BAIAP2L1: variants seen among roughly 807,000 people sequenced by gnomAD.
BAIAP2L1 encodes the protein BAR/IMD domain containing adaptor protein 2 like 1.
A neutral mutation model predicts 66.3 loss-of-function variants in BAIAP2L1; 35 were observed. That is an observed-to-expected ratio of 0.53 (90% CI 0.40 to 0.70). The LOEUF is 0.70. Among genes scored for constraint, BAIAP2L1 ranks in the 30% least tolerant of loss-of-function variants. The pLI is 0.00. For synonymous variants in BAIAP2L1, 269 were observed against 248.7 expected (o/e 1.08, Z -0.77); for missense variants, 622 against 656.9 (o/e 0.95, Z 0.58).
intron 12 of BAIAP2L1, among the ~76,000 whole-genome samples, chr7:98,296,821 G>A (rs1043673897): frequency 6.6e-6 from 1 of 152,210 alleles, no homozygotes; most frequent in African/African-American, 2.4e-5. Flanking sequence ...CGAGGGCAGG[G>A]GCTTGGCACA....
intron 12 of BAIAP2L1, among the ~76,000 whole-genome samples, chr7:98,301,389 T>A (rs1454527097): frequency 6.6e-6 from 1 of 151,884 alleles, no homozygotes; most frequent in Non-Finnish European, 1.5e-5. Context: ...ATGAGGTATC[T>A]GGGGCTTTTG....
At chr7:98,316,577 AGGGT>A (rs141886639) in intron 6 of BAIAP2L1, among the ~76,000 whole-genome samples, 1 of 152,340 alleles carries the variant, frequency 6.6e-6, no homozygotes, top group African/African-American at 2.4e-5. Context: ...TGATCAAAGC[AGGGT>A]CCTTGGGTGG....
intron 12 of BAIAP2L1, among the ~76,000 whole-genome samples, chr7:98,294,541 G>A (rs1439581847): frequency 5.9e-5 from 9 of 152,264 alleles, no homozygotes; most frequent in African/African-American, 2.2e-4. Flanking sequence ...TGCTAAACTC[G>A]GAAACAGTTT....
intron 12 of BAIAP2L1, among the ~76,000 whole-genome samples, chr7:98,300,425 C>A (rs570264960): frequency 6.6e-6 from 1 of 152,308 alleles, no homozygotes; most frequent in Non-Finnish European, 1.5e-5. Flanking sequence ...GTGACAGTTG[C>A]AGTCCCTCCC....
chr7:98,351,483 G>A (rs888333273), intron 3 of BAIAP2L1, among the ~76,000 whole-genome samples: 15 of 152,104 alleles, frequency 9.9e-5, no homozygotes, highest in Non-Finnish European at 1.6e-4. Context: ...TGGGCCGTGG[G>A]GTATAAGGGG....
intron 3 of BAIAP2L1, among the ~76,000 whole-genome samples, chr7:98,343,811 G>A (rs899607363): frequency 6.6e-6 from 1 of 152,222 alleles, no homozygotes; most frequent in Non-Finnish European, 1.5e-5. Context: ...AAACGTCTCT[G>A]CTGCAGCCAC....
intron 5 of BAIAP2L1, among the ~76,000 whole-genome samples, chr7:98,318,033 C>T (rs531699339): frequency 6.6e-6 from 1 of 151,652 alleles, no homozygotes; most frequent in East Asian, 2.0e-4. Flanking sequence ...GGGACCCTTA[C>T]TCTGCAACTC....
chr7:98,334,890 C>T (rs2115602378), intron 3 of BAIAP2L1, among the ~76,000 whole-genome samples: 1 of 147,516 alleles, frequency 6.8e-6, no homozygotes, highest in South Asian at 2.2e-4. Flanking sequence ...TGGCTCACGC[C>T]TGTAATCCCA....
chr7:98,310,998 G>A (rs1412714852), intron 8 of BAIAP2L1, among the ~76,000 whole-genome samples: 1 of 152,044 alleles, frequency 6.6e-6, no homozygotes, highest in Non-Finnish European at 1.5e-5. Flanking sequence ...ATTTCAGGGG[G>A]TTTGAGATGG....
At chr7:98,313,236 C>T (rs1247913921) in intron 7 of BAIAP2L1, among the ~76,000 whole-genome samples, 5 of 151,718 alleles carry the variant, frequency 3.3e-5, no homozygotes, top group African/African-American at 4.8e-5. Context: ...AGGACTGAGG[C>T]GCTTTAGCTG....
intron 1 of BAIAP2L1, among the ~76,000 whole-genome samples, chr7:98,392,649 T>G (rs1562795559): frequency 6.6e-6 from 1 of 151,984 alleles, no homozygotes; most frequent in Non-Finnish European, 1.5e-5. Context: ...ATCAATAAAT[T>G]ATGATGAAAA....
At chr7:98,376,816 GAAC>G (rs1418700585) in intron 1 of BAIAP2L1, among the ~76,000 whole-genome samples, 1 of 152,000 alleles carries the variant, frequency 6.6e-6, no homozygotes, top group African/African-American at 2.4e-5. Flanking sequence ...TAGGCAACAA[GAAC>G]AAAACTCCAT....
rs1584488500 is a variant in BAIAP2L1 at position 98,365,548 on chromosome 7, A to G, written c.52-3116T>C. On this transcript the variant is annotated intron_variant, in intron 1 of 13. Transcript: ENST00000005260. ...TGCAGTGGTGTGATCCTGGCTCACT[A>G]CAACCTCGGCCTCCCAGGCTCAAGT... 2.0e-5 allele frequency among the ~76,000 whole-genome samples: 3 copies of G among 152,208 alleles called. 1 individual carries two copies. The South Asian group carries it at 6.2e-4, about 32-fold the overall frequency.
intron 8 of BAIAP2L1, among the ~76,000 whole-genome samples, chr7:98,310,864 T>G (rs1341816971): frequency 6.6e-6 from 1 of 152,014 alleles, no homozygotes; most frequent in Non-Finnish European, 1.5e-5. Context: ...TTTTGTATTT[T>G]TAGTAGAGAT....
intron 12 of BAIAP2L1, among the ~76,000 whole-genome samples, chr7:98,296,195 AG>A (rs1800183999): frequency 6.6e-6 from 1 of 152,210 alleles, no homozygotes; most frequent in Non-Finnish European, 1.5e-5. Flanking sequence ...GTGTTGGAGA[AG>A]GGATGGTCAC....
chr7:98,330,315 C>T (rs370640244), intron 3 of BAIAP2L1, among the ~76,000 whole-genome samples: 105 of 152,232 alleles, frequency 6.9e-4, no homozygotes, highest in South Asian at 5.4e-3. Context: ...TGTGTTAGTC[C>T]GTTTTGTGTT....
At chr7:98,299,107 C>A (rs1420106635) in intron 12 of BAIAP2L1, among the ~76,000 whole-genome samples, 1 of 152,122 alleles carries the variant, frequency 6.6e-6, no homozygotes, top group African/African-American at 2.4e-5. Context: ...CCTCTGCCTC[C>A]CGGGTTCAAC....
chr7:98,362,699 G>A (rs1013475436), intron 1 of BAIAP2L1, among the ~76,000 whole-genome samples: 1 of 152,198 alleles, frequency 6.6e-6, no homozygotes, highest in Non-Finnish European at 1.5e-5. Context: ...GCAGGCAGCA[G>A]TCATTCATGT....
chr7:98,346,708 T>C (rs546211024), intron 3 of BAIAP2L1, among the ~76,000 whole-genome samples: 1 of 152,324 alleles, frequency 6.6e-6, no homozygotes. Context: ...GTTGCCTCCT[T>C]GTCTCCCAGT....
Sources: gnomAD v4.1 joint callset for allele counts (sites outside exome capture counted in the v4.1 genomes callset) on GRCh38, gnomAD v4.1.1 for gene constraint, MANE v1.5 for transcripts, NCBI Gene and HGNC (gene_info 2026-07-23, HGNC 2026-07-21) for gene names.